The following SPIN1 variants were observed in gnomAD, a reference collection of about 807,000 sequenced individuals.
SPIN1 encodes the protein spindlin-1.
In SPIN1, 3 loss-of-function variants were observed where a neutral mutation model predicts 26.0. The observed-to-expected ratio is 0.12, with a 90% CI of 0.05 to 0.30. The LOEUF is 0.30. Ranked by LOEUF, SPIN1 falls within the 10% of genes least tolerant of loss-of-function variation. The pLI is 1.00. For synonymous variants in SPIN1, 101 were observed against 116.5 expected (o/e 0.87, Z 0.86); for missense variants, 126 against 333.4 (o/e 0.38, Z 4.84).
At chr9:88,398,871 T>C (rs1208580216) in intron 1 of SPIN1, among the ~76,000 whole-genome samples, 1 of 150,210 alleles carries the variant, frequency 6.7e-6, no homozygotes, top group East Asian at 2.0e-4. Flanking sequence ...CCGGCCTTGT[T>C]GACTTTTAAT....
chr9:88,454,888 A>G (rs1828439444), intron 3 of SPIN1, among the ~76,000 whole-genome samples: 1 of 152,198 alleles, frequency 6.6e-6, no homozygotes, highest in African/African-American at 2.4e-5. Flanking sequence ...AACAATTAGT[A>G]TATTATTCTA....
intron 3 of SPIN1, among the ~76,000 whole-genome samples, chr9:88,461,446 C>T (rs906216361): frequency 1.5e-4 from 23 of 152,174 alleles, no homozygotes; most frequent in East Asian, 7.7e-4. Context: ...GGCCTGTTCC[C>T]GTCTGACTTA....
chr9:88,441,398 C>CGCGTGT (rs757363030), intron 2 of SPIN1, among the ~76,000 whole-genome samples: 4 of 137,730 alleles, frequency 2.9e-5, no homozygotes, highest in African/African-American at 9.7e-5. Context: ...TGCTGCCATT[C>CGCGTGT]GTGTGTGTGT....
At chr9:88,404,932 A>AAC (rs1554691869) in intron 1 of SPIN1, among the ~76,000 whole-genome samples, 8 of 143,066 alleles carry the variant, frequency 5.6e-5, no homozygotes, top group African/African-American at 2.2e-4. Context: ...AAAAAAAACA[A>AAC]AAAAAAAAAA....
At chr9:88,462,473 T>C (rs754210819) in intron 3 of SPIN1, 23 bp from the exon 4 acceptor site, 13 of 1,608,702 alleles carry the variant, frequency 8.1e-6, no homozygotes, top group African/African-American at 4.0e-5. Flanking sequence ...TAATACCTTA[T>C]GTGTGTATAT....
At chr9:88,400,862 A>G (rs1022579381) in intron 1 of SPIN1, among the ~76,000 whole-genome samples, 9 of 145,676 alleles carry the variant, frequency 6.2e-5, no homozygotes, top group African/African-American at 2.4e-4. Flanking sequence ...AAAAAAAAAA[A>G]ATTAGCCGGG....
rs1369831455 is a variant in SPIN1, at chr9:88,410,550, A to G, written c.-158-15832A>G. 6.0e-5 allele frequency: 49 copies of G among 814,182 alleles called. No individual in the cohort carries two copies. In the East Asian group the frequency reaches 1.0e-3, roughly 17 times the overall value. 50.4% of individuals were successfully genotyped at this position (814,182 alleles called of 1,614,324 possible). On this transcript the variant is annotated intron_variant, in intron 1 of 5. Transcript: ENST00000375859. ...CTAATTAAAATCTTCTGCTACTGCC[A>G]TAGCTACTGCTGCTACTGGAACCAC...
At chr9:88,451,515 T>C (rs1828352716) in intron 3 of SPIN1, among the ~76,000 whole-genome samples, 1 of 152,166 alleles carries the variant, frequency 6.6e-6, no homozygotes, top group South Asian at 2.1e-4. Context: ...GGGCTGTCCA[T>C]GATTTGGGAC....
intron 2 of SPIN1, among the ~76,000 whole-genome samples, chr9:88,431,717 A>T (rs1056534136): frequency 4.6e-5 from 7 of 152,116 alleles, no homozygotes; most frequent in Non-Finnish European, 8.8e-5. Flanking sequence ...GTTAGTGTAT[A>T]TCTTTTTCAT....
intron 3 of SPIN1, 69 bp from the exon 4 acceptor site, chr9:88,462,427 C>A (rs530399113): frequency 7.7e-6 from 12 of 1,548,848 alleles, no homozygotes; most frequent in Admixed American, 1.9e-5. Flanking sequence ...TGCTAGCCAG[C>A]GGTTATGTTA....
intron 1 of SPIN1, among the ~76,000 whole-genome samples, chr9:88,408,902 TCCGCCCGCC>T (rs1827371138): frequency 6.6e-6 from 1 of 151,774 alleles, no homozygotes; most frequent in African/African-American, 2.4e-5. Context: ...GACCTCGTGA[TCCGCCCGCC>T]TGGGCCTCCC....
chr9:88,453,150 T>A (rs1197536504), intron 3 of SPIN1, among the ~76,000 whole-genome samples: 1 of 152,190 alleles, frequency 6.6e-6, no homozygotes. Flanking sequence ...TTTTTTTAAA[T>A]TTTTTATTTT....
intron 1 of SPIN1, among the ~76,000 whole-genome samples, chr9:88,393,819 C>G (rs1003702159): frequency 2.0e-5 from 3 of 151,646 alleles, no homozygotes; most frequent in Non-Finnish European, 4.4e-5. Context: ...TCATTGTAGA[C>G]CCATGGATTT....
chr9:88,443,221 C>G (rs1027293720), intron 2 of SPIN1, among the ~76,000 whole-genome samples: 1 of 151,630 alleles, frequency 6.6e-6, no homozygotes, highest in South Asian at 2.1e-4. Flanking sequence ...TAAGTTATGC[C>G]TTTTGTACTT....
At chr9:88,441,399 G>A (rs1564033773) in intron 2 of SPIN1, among the ~76,000 whole-genome samples, 1 of 119,688 alleles carries the variant, frequency 8.4e-6, no homozygotes, top group East Asian at 2.0e-4. Flanking sequence ...GCTGCCATTC[G>A]TGTGTGTGTG....
In SPIN1 at chr9:88,477,641, T is replaced by C. The variant is rs1304573558; in HGVS notation, c.*2364T>C. 1 of 152,620 alleles carries C rather than the reference T, an allele frequency of 6.6e-6. No individual in the cohort carries two copies. The highest frequency in any genetic ancestry group is 2.4e-5 in the African/African-American group (1 of 41,440). The allele number at this position is 152,620 out of a possible 1,614,324, so 9.5% of individuals were successfully genotyped here. ...AATTCTGCTCCCAAGCCCTTGTATC[T>C]TGGGCTTCATTTTAGGCTCATGTGT... On this transcript the variant is annotated 3_prime_UTR_variant, in exon 6 of 6. Transcript: ENST00000375859.
chr9:88,458,891 A>G (rs1490055104), intron 3 of SPIN1, among the ~76,000 whole-genome samples: 1 of 152,126 alleles, frequency 6.6e-6, no homozygotes, highest in Non-Finnish European at 1.5e-5. Flanking sequence ...CACCAACATT[A>G]TGAGGGCAGT....
chr9:88,418,447 A>G (rs998695711), intron 1 of SPIN1, among the ~76,000 whole-genome samples: 1 of 152,216 alleles, frequency 6.6e-6, no homozygotes, highest in Non-Finnish European at 1.5e-5. Flanking sequence ...CAACTTGTTG[A>G]CAGCCCAAGC....
intron 2 of SPIN1, among the ~76,000 whole-genome samples, chr9:88,442,328 T>C (rs926310380): frequency 6.6e-6 from 1 of 151,740 alleles, no homozygotes; most frequent in Non-Finnish European, 1.5e-5. Context: ...CTTTTTTGCA[T>C]GGTTTCTGAG....
Sources: allele counts gnomAD v4.1 joint callset (sites outside exome capture counted in the v4.1 genomes callset), GRCh38; gene constraint gnomAD v4.1.1; transcripts MANE v1.5; gene names NCBI Gene and HGNC (gene_info 2026-07-23, HGNC 2026-07-21).